The following H2BC12 variants were observed in gnomAD, a reference collection of about 807,000 sequenced individuals.
H2BC12 encodes H2B clustered histone 12.
In H2BC12, 6 loss-of-function variants were observed where a neutral mutation model predicts 6.3. The observed-to-expected ratio is 0.95, with a 90% CI of 0.52 to 1.87. The LOEUF is 1.87. Ranked by LOEUF, H2BC12 falls within the 40% of genes most tolerant of loss-of-function variation. The pLI, the probability that H2BC12 is intolerant of heterozygous loss-of-function variation, is 0.01. For missense variants in H2BC12, 119 were observed against 178.4 expected (o/e 0.67, Z 1.90); for synonymous variants, 132 against 78.5 (o/e 1.68, Z -3.60).
chr6:27,141,160 G>C, the H2BC12 span, among the ~76,000 whole-genome samples: 1 of 152,088 alleles, frequency 6.6e-6, no homozygotes, highest in East Asian at 1.9e-4. Flanking sequence ...AGCGAGCTAA[G>C]GGAAGACCTG....
chr6:27,138,732 A>C, the H2BC12 span: 2 of 152,222 alleles, frequency 1.3e-5, no homozygotes, highest in Admixed American at 6.5e-5. Context: ...CTTGATTCTT[A>C]GACTTGTTTC....
At chr6:27,146,262 T>G (rs1391734999), downstream of H2BC12, among the ~76,000 whole-genome samples, 5 of 152,220 alleles carry the variant, frequency 3.3e-5, no homozygotes, top group Non-Finnish European at 5.9e-5. Context: ...ACTGCATGCA[T>G]TACTCAGTGT....
At chr6:27,139,744 T>C in the H2BC12 span, 4 of 1,391,798 alleles carry the variant, frequency 2.9e-6, no homozygotes, top group African/African-American at 4.4e-5. Flanking sequence ...GTGAGTTCTG[T>C]CATCCTATTT....
At chr6:27,139,839 GC>G in the H2BC12 span, 1 of 704,796 alleles carries the variant, frequency 1.4e-6, no homozygotes, top group Admixed American at 3.6e-5. Context: ...AAGAGCCTCT[GC>G]TGGCCAGTAA....
At chr6:27,145,295 TACACACACACACACACACACAC>T (rs57882884), downstream of H2BC12, among the ~76,000 whole-genome samples, 16 of 142,614 alleles carry the variant, frequency 1.1e-4, no homozygotes, top group African/African-American at 4.1e-4. Context: ...ATATGTTAAA[TACACACACACACACACACACAC>T]ACACACACAC....
the H2BC12 span, chr6:27,138,981 T>A: frequency 1.3e-5 from 3 of 231,904 alleles, no homozygotes; most frequent in Admixed American, 1.0e-4. Flanking sequence ...TCCATACAAA[T>A]AATGTTAAAG....
chr6:27,144,236 TG>T (rs1760041071), downstream of H2BC12, among the ~76,000 whole-genome samples: 2 of 152,038 alleles, frequency 1.3e-5, no homozygotes, highest in Non-Finnish European at 2.9e-5. Flanking sequence ...CCGAGGCAGG[TG>T]GATCGCCCAA....
At chr6:27,139,364 A>C in the H2BC12 span, 1 of 1,614,116 alleles carries the variant, frequency 6.2e-7, no homozygotes, top group Non-Finnish European at 8.5e-7. Context: ...GCCAAGCGCC[A>C]CCGCAAGGTG....
the H2BC12 span, chr6:27,139,552 G>A: frequency 1.2e-6 from 2 of 1,614,106 alleles, no homozygotes; most frequent in Non-Finnish European, 1.7e-6. Flanking sequence ...GCGCAAGACG[G>A]TCACCGCCAT....
chr6:27,145,348 T>C (rs1013099117), downstream of H2BC12, among the ~76,000 whole-genome samples: 4 of 146,028 alleles, frequency 2.7e-5, no homozygotes, highest in African/African-American at 1.0e-4. Context: ...AAAATTCCCC[T>C]GTGAAACTGG....
chr6:27,142,036 G>A (rs181948985), downstream of H2BC12, among the ~76,000 whole-genome samples: 86 of 152,216 alleles, frequency 5.6e-4, no homozygotes, highest in African/African-American at 2.0e-3. Flanking sequence ...TAGCATTCAA[G>A]TATACTTGGA....
chr6:27,144,030 T>C (rs183367235), downstream of H2BC12, among the ~76,000 whole-genome samples: 1 of 152,164 alleles, frequency 6.6e-6, no homozygotes, highest in Admixed American at 6.5e-5. Context: ...AAGAGATATA[T>C]GGTATAATGG....
downstream of H2BC12, among the ~76,000 whole-genome samples, chr6:27,146,243 A>G (rs16894325): frequency 6.1e-3 from 926 of 152,328 alleles, 6 homozygotes; most frequent in African/African-American, 0.018. Flanking sequence ...GCCAGACTCG[A>G]TTACAAGCAC....
At chr6:27,139,393 G>T in the H2BC12 span, 1 of 1,614,212 alleles carries the variant, frequency 6.2e-7, no homozygotes, top group East Asian at 2.2e-5. Flanking sequence ...CAACATCCAG[G>T]GTATCACCAA....
At chr6:27,146,047 C>T (rs1363088717), downstream of H2BC12, among the ~76,000 whole-genome samples, 1 of 152,114 alleles carries the variant, frequency 6.6e-6, no homozygotes, top group Non-Finnish European at 1.5e-5. Flanking sequence ...GGAAAGTACA[C>T]GTGACACAAT....
At chr6:27,139,727 A>G in the H2BC12 span, 3 of 1,434,520 alleles carry the variant, frequency 2.1e-6, no homozygotes, top group East Asian at 7.2e-5. Flanking sequence ...TAATAGGGCC[A>G]TTGTCAGTGA....
At chr6:27,144,242 G>A (rs1329204183), downstream of H2BC12, among the ~76,000 whole-genome samples, 4 of 152,020 alleles carry the variant, frequency 2.6e-5, no homozygotes, top group East Asian at 1.9e-4. Context: ...CAGGTGGATC[G>A]CCCAAGGTCG....
At chr6:27,139,109 G>C in the H2BC12 span, 1 of 520,652 alleles carries the variant, frequency 1.9e-6, no homozygotes, top group Non-Finnish European at 3.3e-6. Context: ...AACAGCCTAG[G>C]TCTTGAGGAT....
chr6:27,146,740 G>A lies in H2BC12; in HGVS notation c.59C>T (p.Thr20Ile), dbSNP rs529859625. ...APKKGSKKAVTKAQKKDGKKR... is the reference protein window; with the variant it reads ...APKKGSKKAVIKAQKKDGKKR... ...CTTGCCGTCCTTCTTCTGCGCCTTAGTCACGGCTTTCTTCGAGCCCTTCTT... is the reference window on the plus strand; with the variant it reads ...CTTGCCGTCCTTCTTCTGCGCCTTAATCACGGCTTTCTTCGAGCCCTTCTT... The change falls in exon 1 of 1, where the codon ACT becomes ATT. Residue 20 changes from threonine to isoleucine, a missense_variant. Coordinates refer to ENST00000356950, the MANE Select transcript of H2BC12 (RefSeq NM_001312653.2). The A allele has an allele frequency of 6.2e-6, 10 of 1,614,236 alleles. No individual in the cohort carries two copies. In the East Asian group the frequency reaches 1.6e-4, roughly 25 times the overall value.
Sources: gnomAD v4.1 joint callset for allele counts (sites outside exome capture counted in the v4.1 genomes callset) on GRCh38, gnomAD v4.1.1 for gene constraint, MANE v1.5 for transcripts, NCBI Gene and HGNC (gene_info 2026-07-23, HGNC 2026-07-21) for gene names.